Variants in TAOK3 observed in about 807,000 individuals in gnomAD.
TAOK3 encodes TAO kinase 3.
A neutral mutation model predicts 120.4 loss-of-function variants in TAOK3; 40 were observed. The ratio of observed to expected loss-of-function variants is 0.33; its 90% CI spans 0.26 to 0.43. The LOEUF is 0.43. TAOK3 is among the 20% of genes least tolerant of loss of function. The pLI, the probability that TAOK3 is intolerant of heterozygous loss-of-function variation, is 1.00. For synonymous variants in TAOK3, 355 were observed against 387.5 expected (o/e 0.92, Z 0.99); for missense variants, 821 against 1,112.1 (o/e 0.74, Z 3.72).
At chr12:118,214,798 T>G (rs890241088) in intron 9 of TAOK3, among the ~76,000 whole-genome samples, 5 of 148,536 alleles carry the variant, frequency 3.4e-5, no homozygotes, top group African/African-American at 1.0e-4. Flanking sequence ...CAGGCTGGAG[T>G]GCAATGGAAC....
intron 13 of TAOK3, among the ~76,000 whole-genome samples, chr12:118,195,335 AAGAC>A (rs1565930839): frequency 6.6e-6 from 1 of 152,234 alleles, no homozygotes; most frequent in Non-Finnish European, 1.5e-5. Context: ...ACAAATTTAA[AAGAC>A]AGACTTTGCT....
intron 19 of TAOK3, among the ~76,000 whole-genome samples, chr12:118,157,398 A>G (rs1211699206): frequency 6.6e-6 from 1 of 152,238 alleles, no homozygotes; most frequent in Non-Finnish European, 1.5e-5. Flanking sequence ...GAAAGCCCCT[A>G]CGTGACCCAG....
At chr12:118,215,557 A>C (rs1217787683) in intron 9 of TAOK3, among the ~76,000 whole-genome samples, 1 of 151,936 alleles carries the variant, frequency 6.6e-6, no homozygotes, top group South Asian at 2.1e-4. Flanking sequence ...AGCATGAGAG[A>C]TAAGCCAATT....
intron 1 of TAOK3, among the ~76,000 whole-genome samples, chr12:118,271,588 A>G (rs1304355464): frequency 6.6e-6 from 1 of 152,192 alleles, no homozygotes; most frequent in Non-Finnish European, 1.5e-5. Context: ...GGACATTTGG[A>G]CTGCTTTAAC....
At chr12:118,225,122 C>A (rs143786689) in intron 9 of TAOK3, among the ~76,000 whole-genome samples, 15 of 151,754 alleles carry the variant, frequency 9.9e-5, no homozygotes, top group African/African-American at 3.6e-4. Flanking sequence ...GTGGTGGGTG[C>A]CTGTAATCCC....
chr12:118,338,044 C>T lies in TAOK3; in HGVS notation c.-194+34604G>A, dbSNP rs150257808. Among the ~76,000 whole-genome samples, 5 of 152,208 alleles carry T rather than the reference C, an allele frequency of 3.3e-5. No homozygotes were observed. The East Asian group carries it at 7.7e-4, about 23-fold the overall frequency. On this transcript the variant is annotated intron_variant, in intron 1 of 20. Coordinates refer to ENST00000392533, the MANE Select transcript of TAOK3 (RefSeq NM_016281.4). ...CTCTCAGTATTATTTCTTACAAGTG[C>T]GTGTAAATCTACAATTATTTCAAAA...
intron 1 of TAOK3, among the ~76,000 whole-genome samples, chr12:118,305,523 T>C (rs191918319): frequency 9.3e-4 from 142 of 152,110 alleles, no homozygotes; most frequent in Non-Finnish European, 1.4e-3. Context: ...TACTAACAAA[T>C]GACATAATTA....
chr12:118,321,816 A>G (rs1376587393), intron 1 of TAOK3, among the ~76,000 whole-genome samples: 1 of 152,028 alleles, frequency 6.6e-6, no homozygotes, highest in African/African-American at 2.4e-5. Flanking sequence ...TTTTGTGAGT[A>G]TATTTTATTT....
intron 1 of TAOK3, among the ~76,000 whole-genome samples, chr12:118,281,971 G>A (rs559830340): frequency 1.3e-5 from 2 of 152,038 alleles, no homozygotes; most frequent in Non-Finnish European, 2.9e-5. Flanking sequence ...AAAGTCACAG[G>A]TATTGCTAAT....
At chr12:118,312,434 C>T (rs1483328565) in intron 1 of TAOK3, among the ~76,000 whole-genome samples, 1 of 152,104 alleles carries the variant, frequency 6.6e-6, no homozygotes, top group African/African-American at 2.4e-5. Context: ...CATAATGTTC[C>T]TATAACCTGT....
intron 2 of TAOK3, 138 bp downstream of exon 2, chr12:118,266,517 A>T (rs2041457644): frequency 5.4e-6 from 2 of 369,442 alleles, no homozygotes; most frequent in African/African-American, 4.2e-5. Context: ...TTTTTATAAA[A>T]GAATATTTTA....
At chr12:118,212,161 G>A (rs1490095470) in intron 11 of TAOK3, among the ~76,000 whole-genome samples, 1 of 152,068 alleles carries the variant, frequency 6.6e-6, no homozygotes, top group Non-Finnish European at 1.5e-5. Flanking sequence ...TCTTAAAAAC[G>A]AACAAACAGA....
intron 2 of TAOK3, among the ~76,000 whole-genome samples, chr12:118,264,149 T>TA (rs746051566): frequency 3.7e-4 from 56 of 152,210 alleles, no homozygotes; most frequent in Non-Finnish European, 6.8e-4. Flanking sequence ...TGTAAAATGG[T>TA]AAAACACTTT....
At chr12:118,343,426 CAAAAAAA>C (rs368283127) in intron 1 of TAOK3, among the ~76,000 whole-genome samples, 1 of 78,624 alleles carries the variant, frequency 1.3e-5, no homozygotes, top group Non-Finnish European at 2.7e-5. Context: ...GTCCCTGTCT[CAAAAAAA>C]AAAAAAAAAA....
At chr12:118,262,211 C>A (rs781495166) in intron 2 of TAOK3, among the ~76,000 whole-genome samples, 1 of 150,118 alleles carries the variant, frequency 6.7e-6, no homozygotes, top group Admixed American at 6.6e-5. Context: ...AGGCCAGGCA[C>A]GGTGGCTCAT....
intron 1 of TAOK3, among the ~76,000 whole-genome samples, chr12:118,279,739 A>T (rs1477741884): frequency 6.7e-6 from 1 of 149,852 alleles, no homozygotes; most frequent in Non-Finnish European, 1.5e-5. Flanking sequence ...ATGCAACACC[A>T]TGCCCAGCTA....
At chr12:118,363,727 A>AAT (rs2045666623) in intron 1 of TAOK3, among the ~76,000 whole-genome samples, 1 of 147,402 alleles carries the variant, frequency 6.8e-6, no homozygotes, top group African/African-American at 2.5e-5. Flanking sequence ...TGGTCAAGGC[A>AAT]GTGTGTGTGT....
chr12:118,172,696 T>C, intron 16 of TAOK3, 36 bp from the exon 17 acceptor site: 1 of 1,560,672 alleles, frequency 6.4e-7, no homozygotes, highest in Non-Finnish European at 8.8e-7. Context: ...CCAGCCTTAC[T>C]AAATGAAAGG....
At chr12:118,277,861 G>T (rs2041957924) in intron 1 of TAOK3, among the ~76,000 whole-genome samples, 1 of 152,058 alleles carries the variant, frequency 6.6e-6, no homozygotes, top group African/African-American at 2.4e-5. Flanking sequence ...AGTTCCCAGG[G>T]GTCTATAGAT....
Sources: gnomAD v4.1 joint callset for allele counts (sites outside exome capture counted in the v4.1 genomes callset) on GRCh38, gnomAD v4.1.1 for gene constraint, MANE v1.5 for transcripts, NCBI Gene and HGNC (gene_info 2026-07-23, HGNC 2026-07-21) for gene names.